SIGLECL1: variants seen among roughly 807,000 people sequenced by gnomAD.
The protein encoded by SIGLECL1 is SIGLEC family-like protein 1.
A neutral mutation model predicts 19.1 loss-of-function variants in SIGLECL1; 16 were observed. The observed-to-expected ratio is 0.84, with a 90% CI of 0.57 to 1.27. The LOEUF (loss-of-function observed/expected upper bound fraction) is 1.27, where lower values mean the gene tolerates loss of function less well. Ranked by LOEUF, SIGLECL1 falls within the 50% of genes most tolerant of loss-of-function variation. SIGLECL1 has a pLI of 0.00. For missense variants in SIGLECL1, 210 were observed against 239.4 expected (o/e 0.88, Z 0.81); for synonymous variants, 89 against 90.4 (o/e 0.98, Z 0.09).
rs746854466 is a variant in SIGLECL1 at position 51,264,050 on chromosome 19, G to A, written c.-23G>A. On this transcript the variant is annotated 5_prime_UTR_variant, in exon 2 of 6. Coordinates refer to ENST00000601727, the MANE Select transcript of SIGLECL1 (RefSeq NM_001385465.1). The stretch of plus-strand genomic sequence containing the variant: ...GTAGTAAAGAGCTTCTGCTGTTCCT[G>A]AGAACTGTTGCTGCTGGAAGTGATG... 3.7e-6 allele frequency: 6 copies of A among 1,613,722 alleles called. No individual in the cohort carries two copies. Among genetic ancestry groups the A allele is most frequent in the Non-Finnish European group, 4.2e-6 (5 of 1,179,878 alleles).
intron 1 of SIGLECL1, among the ~76,000 whole-genome samples, chr19:51,254,592 A>G (rs1982691446): frequency 6.6e-6 from 1 of 152,184 alleles, no homozygotes; most frequent in African/African-American, 2.4e-5. Context: ...CAAATTTATA[A>G]TTACGGAAAA....
chr19:51,264,268 G>C (rs1348881881), intron 2 of SIGLECL1, among the ~76,000 whole-genome samples, 174 bp downstream of exon 2: 1 of 152,168 alleles, frequency 6.6e-6, no homozygotes, highest in Non-Finnish European at 1.5e-5. Flanking sequence ...ATTTTGACAG[G>C]GCTGGTGTGT....
chr19:51,257,912 T>C (rs1247335139), intron 1 of SIGLECL1: 1 of 152,204 alleles, frequency 6.6e-6, no homozygotes, highest in Non-Finnish European at 1.5e-5. Flanking sequence ...TGAGCTTCTT[T>C]AGTTGACAGT....
intron 1 of SIGLECL1, among the ~76,000 whole-genome samples, chr19:51,262,699 C>T (rs1697566): frequency 0.56 from 85,205 of 151,910 alleles, 24,281 homozygotes; most frequent in Admixed American, 0.65. Context: ...TGCTGTATGG[C>T]TGTCCAGTTA....
At chr19:51,266,128 G>A (rs1983651407) in intron 4 of SIGLECL1, among the ~76,000 whole-genome samples, 1 of 152,142 alleles carries the variant, frequency 6.6e-6, no homozygotes, top group Admixed American at 6.5e-5. Context: ...GAAGGGACTT[G>A]GCAGCCCTGG....
intron 5 of SIGLECL1, among the ~76,000 whole-genome samples, chr19:51,268,276 G>A (rs1286808337): frequency 6.6e-6 from 1 of 152,132 alleles, no homozygotes; most frequent in African/African-American, 2.4e-5. Flanking sequence ...CAGGAGTTAC[G>A]GTGGTGCAGA....
intron 2 of SIGLECL1, among the ~76,000 whole-genome samples, chr19:51,264,694 T>C (rs1042281309): frequency 6.6e-6 from 1 of 152,232 alleles, no homozygotes; most frequent in Non-Finnish European, 1.5e-5. Flanking sequence ...ATGGCCACCA[T>C]GTCCTACCTG....
rs1185452188 is a variant in SIGLECL1, at chr19:51,266,840, G to A, written c.411-533G>A. On this transcript the variant is annotated intron_variant, in intron 4 of 5. Transcript: ENST00000601727. Reference sequence around the variant, plus strand: ...ACAGCTTGGACTGAATCCTCATTTCGGAGCCATGGAAGAGTGCTAAGCTGT... The same window carrying A: ...ACAGCTTGGACTGAATCCTCATTTCAGAGCCATGGAAGAGTGCTAAGCTGT... Among the ~76,000 whole-genome samples, 5 of 152,156 alleles carry A rather than the reference G, an allele frequency of 3.3e-5. No individual in the cohort carries two copies. The South Asian group carries it at 8.3e-4, about 25-fold the overall frequency.
At chr19:51,252,816 G>A (rs1017088369) in intron 1 of SIGLECL1, among the ~76,000 whole-genome samples, 2 of 152,088 alleles carry the variant, frequency 1.3e-5, no homozygotes, top group African/African-American at 4.8e-5. Flanking sequence ...TCTGGGAAGG[G>A]ATTAGGGGTG....
In SIGLECL1 at chr19:51,264,056, T is replaced by A. The variant is rs1040667529; in HGVS notation, c.-17T>A. On this transcript the variant is annotated 5_prime_UTR_variant, in exon 2 of 6. Coordinates refer to ENST00000601727, the MANE Select transcript of SIGLECL1 (RefSeq NM_001385465.1). The stretch of plus-strand genomic sequence containing the variant: ...AAGAGCTTCTGCTGTTCCTGAGAAC[T>A]GTTGCTGCTGGAAGTGATGCTTCCA... The A allele has an allele frequency of 6.2e-7, 1 of 1,613,948 alleles. No homozygotes were observed. The highest frequency in any genetic ancestry group is 8.5e-7 in the Non-Finnish European group (1 of 1,179,904).
chr19:51,254,086 A>T (rs974096945), intron 1 of SIGLECL1, among the ~76,000 whole-genome samples: 1 of 152,130 alleles, frequency 6.6e-6, no homozygotes, highest in Non-Finnish European at 1.5e-5. Flanking sequence ...TGGGAGGCTG[A>T]GGCGGGAGAA....
intron 3 of SIGLECL1, 24 bp from the exon 4 acceptor site, chr19:51,265,753 T>C (rs775760620): frequency 6.2e-7 from 1 of 1,614,060 alleles, no homozygotes; most frequent in Non-Finnish European, 8.5e-7. Flanking sequence ...GATGCCAAAC[T>C]TCTCACATGC....
chr19:51,267,773 T>C (rs1983787578), intron 5 of SIGLECL1, among the ~76,000 whole-genome samples: 1 of 152,218 alleles, frequency 6.6e-6, no homozygotes, highest in African/African-American at 2.4e-5. Flanking sequence ...CACCATTACA[T>C]TGAATCCCCA....
chr19:51,266,619 CAT>C (rs1983694508), intron 4 of SIGLECL1, among the ~76,000 whole-genome samples: 1 of 152,048 alleles, frequency 6.6e-6, no homozygotes, highest in Non-Finnish European at 1.5e-5. Flanking sequence ...ATGTTTGAGG[CAT>C]TTCCAGTGTC....
intron 5 of SIGLECL1, 32 bp downstream of exon 5, chr19:51,267,561 A>G (rs372485345): frequency 2.2e-5 from 35 of 1,609,138 alleles, no homozygotes; most frequent in Non-Finnish European, 2.5e-5. Context: ...AATCTAGTCT[A>G]TCGGAATACT....
At chr19:51,253,388 AAGAG>A (rs72103957) in intron 1 of SIGLECL1, among the ~76,000 whole-genome samples, 6 of 151,950 alleles carry the variant, frequency 3.9e-5, no homozygotes, top group Non-Finnish European at 8.8e-5. Flanking sequence ...ATTTAAAAAA[AAGAG>A]AGAGAGAGAA....
rs9783941 is a variant in SIGLECL1, at chr19:51,264,978, G to A, written c.23-390G>A. Among the ~76,000 whole-genome samples the A allele has an allele frequency of 3.6e-3, 547 of 152,290 alleles. 4 individuals are homozygous for A. The highest frequency in any genetic ancestry group is 0.012 in the African/African-American group (515 of 41,564). On this transcript the variant is annotated intron_variant, in intron 2 of 5. Coordinates refer to ENST00000601727, the MANE Select transcript of SIGLECL1 (RefSeq NM_001385465.1). ...CTAGGAAACAGCAATGATAAGGGGAGTGACTTGCCCAGCAGCACCCAGACA... is the reference window on the plus strand; with the variant it reads ...CTAGGAAACAGCAATGATAAGGGGAATGACTTGCCCAGCAGCACCCAGACA...
At chr19:51,268,459 T>C (rs1274059716) in intron 5 of SIGLECL1, 112 bp from the exon 6 acceptor site, 1 of 1,133,702 alleles carries the variant, frequency 8.8e-7, no homozygotes, top group Non-Finnish European at 1.3e-6. Flanking sequence ...GCTCACTCCA[T>C]GTTGCCTTAA....
upstream of SIGLECL1, among the ~76,000 whole-genome samples, chr19:51,249,752 G>C (rs1326100244): frequency 6.6e-6 from 1 of 152,118 alleles, no homozygotes; most frequent in Non-Finnish European, 1.5e-5. Context: ...CCCCAAGAGA[G>C]GATTCTTGTA....
Sources: allele counts gnomAD v4.1 joint callset (sites outside exome capture counted in the v4.1 genomes callset), GRCh38; gene constraint gnomAD v4.1.1; transcripts MANE v1.5; gene names NCBI Gene and HGNC (gene_info 2026-07-23, HGNC 2026-07-21).